The following AMD1 variants were observed in gnomAD, a reference collection of about 807,000 sequenced individuals.
AMD1 encodes the protein adenosylmethionine decarboxylase 1, also known as S-adenosylmethionine decarboxylase proenzyme.
In AMD1, 11 loss-of-function variants were observed where a neutral mutation model predicts 40.2. That is an observed-to-expected ratio of 0.27 (90% CI 0.17 to 0.45). AMD1 has a LOEUF of 0.45. AMD1 is among the 20% of genes least tolerant of loss of function. The pLI, the probability that AMD1 is intolerant of heterozygous loss-of-function variation, is 1.00. For missense variants in AMD1, 257 were observed against 410.2 expected (o/e 0.63, Z 3.23); for synonymous variants, 121 against 130.8 (o/e 0.93, Z 0.51).
chr6:110,814,893 C>T, the AMD1 span: 1 of 1,390,900 alleles, frequency 7.2e-7, no homozygotes, highest in Non-Finnish European at 9.9e-7. Flanking sequence ...AACCCCGCGA[C>T]CCCCTCCGCC....
chr6:110,821,883 G>T, the AMD1 span, among the ~76,000 whole-genome samples: 1 of 152,040 alleles, frequency 6.6e-6, no homozygotes, highest in East Asian at 1.9e-4. Flanking sequence ...GTCACAAATT[G>T]ACAACCTAAC....
the AMD1 span, among the ~76,000 whole-genome samples, chr6:110,838,789 G>C: frequency 6.6e-6 from 1 of 152,108 alleles, no homozygotes; most frequent in Non-Finnish European, 1.5e-5. Context: ...AACCTGGAGG[G>C]CTGAGGTTGC....
chr6:110,818,184 G>A, the AMD1 span, among the ~76,000 whole-genome samples: 1 of 152,134 alleles, frequency 6.6e-6, no homozygotes, highest in Non-Finnish European at 1.5e-5. Context: ...TATAAGTAGA[G>A]AGTTTATTTG....
At chr6:110,890,414 A>G in intron 4 of AMD1, 58 bp downstream of exon 4, 1 of 1,232,080 alleles carries the variant, frequency 8.1e-7, no homozygotes, top group Non-Finnish European at 1.2e-6. Flanking sequence ...GTGCAACCTC[A>G]GAGATCTTTC....
chr6:110,837,548 TAAA>T, the AMD1 span, among the ~76,000 whole-genome samples: 1 of 148,124 alleles, frequency 6.8e-6, no homozygotes, highest in Admixed American at 6.8e-5. Context: ...CTGTCTCTAT[TAAA>T]AGTACAAAAA....
Position 110,893,517 on chromosome 6 carries a change from T to C in AMD1, c.906T>C (p.Ile302=), listed in dbSNP as rs528695045. ...CRTVLASPQK[I]EGFKRLDCQS... Reference sequence around the variant, plus strand: ...CAGTGCTTGCTTCGCCCCAGAAGATTGAAGGTTTTAAGCGTCTTGATTGCC... The same window carrying C: ...CAGTGCTTGCTTCGCCCCAGAAGATCGAAGGTTTTAAGCGTCTTGATTGCC... Residue 302 remains isoleucine, a synonymous_variant, in exon 9 of 9, where the codon ATT becomes ATC. Transcript: ENST00000368885. 1 of 1,614,018 alleles carries C rather than the reference T, an allele frequency of 6.2e-7. No homozygotes were observed. Among genetic ancestry groups the C allele is most frequent in the East Asian group, 2.2e-5 (1 of 44,892 alleles).
chr6:110,880,526 AT>A (rs1338187715), intron 1 of AMD1, among the ~76,000 whole-genome samples: 4 of 152,086 alleles, frequency 2.6e-5, no homozygotes, highest in African/African-American at 4.8e-5. Context: ...TTTTGAGTTA[AT>A]TTTTGTTTAT....
the AMD1 span, among the ~76,000 whole-genome samples, chr6:110,820,734 C>A: frequency 6.6e-6 from 1 of 151,952 alleles, no homozygotes; most frequent in Non-Finnish European, 1.5e-5. Flanking sequence ...AAACCCCCAT[C>A]TTTACTAAAA....
rs1301866410 is a variant in AMD1, at chr6:110,893,468, T to TC, written c.865-3dup. 6.2e-7 allele frequency: 1 copy of TC among 1,612,760 alleles called. No individual in the cohort carries two copies. The highest frequency in any genetic ancestry group is 2.2e-5 in the East Asian group (1 of 44,884). On this transcript the variant is annotated splice_region_variant and splice_polypyrimidine_tract_variant and intron_variant, in intron 8 of 8. Transcript: ENST00000368885. ...AAACACTAACGGTTATTTAATTTTT[T>TC]CCCCCAGAGTTCTAAATGTCGCACA...
At chr6:110,881,026 C>T (rs1026828912) in intron 1 of AMD1, among the ~76,000 whole-genome samples, 10 of 152,158 alleles carry the variant, frequency 6.6e-5, no homozygotes, top group Non-Finnish European at 1.3e-4. Flanking sequence ...TATTAGACCT[C>T]AGCCTCTAAG....
At chr6:110,885,871 G>A (rs1484823854) in intron 1 of AMD1, among the ~76,000 whole-genome samples, 1 of 152,174 alleles carries the variant, frequency 6.6e-6, no homozygotes, top group Non-Finnish European at 1.5e-5. Context: ...AATTCTACCA[G>A]GCATGTTTGG....
the AMD1 span, among the ~76,000 whole-genome samples, chr6:110,822,597 T>A: frequency 9.9e-5 from 15 of 151,924 alleles, no homozygotes; most frequent in East Asian, 2.7e-3. Flanking sequence ...AAGGACATTT[T>A]AAAAAAAAGA....
At chr6:110,871,837 A>G (rs1310256022), upstream of AMD1, among the ~76,000 whole-genome samples, 1 of 152,222 alleles carries the variant, frequency 6.6e-6, no homozygotes, top group Non-Finnish European at 1.5e-5. Context: ...TTTGAAAGTC[A>G]TTAATACTAT....
the AMD1 span, among the ~76,000 whole-genome samples, chr6:110,831,173 T>C: frequency 4.5e-4 from 69 of 152,128 alleles, no homozygotes; most frequent in South Asian, 1.7e-3. Flanking sequence ...GGTGCAGTGG[T>C]TCACGCCTGT....
chr6:110,858,196 G>C, the AMD1 span: 1 of 684,542 alleles, frequency 1.5e-6, no homozygotes. Context: ...CTGCCAGGCC[G>C]TCTGTTTCGT....
the AMD1 span, chr6:110,858,474 T>C: frequency 1.6e-6 from 2 of 1,273,378 alleles, no homozygotes; most frequent in African/African-American, 1.5e-5. Flanking sequence ...AACCGTTCCA[T>C]GCAGAACTGG....
intron 1 of AMD1, among the ~76,000 whole-genome samples, chr6:110,879,635 A>G (rs1457652997): frequency 6.6e-6 from 1 of 152,144 alleles, no homozygotes; most frequent in Non-Finnish European, 1.5e-5. Flanking sequence ...CCTTTTACCT[A>G]AAGACTGCTT....
chr6:110,825,252 T>G, the AMD1 span, among the ~76,000 whole-genome samples: 1 of 152,256 alleles, frequency 6.6e-6, no homozygotes, highest in African/African-American at 2.4e-5. Flanking sequence ...AATGTGGTCC[T>G]CTTTCTCTTC....
At chr6:110,873,647 T>C (rs1287413654), upstream of AMD1, among the ~76,000 whole-genome samples, 1 of 152,230 alleles carries the variant, frequency 6.6e-6, no homozygotes, top group African/African-American at 2.4e-5. Flanking sequence ...TTTCCTCCCA[T>C]ATTCCCAAGT....
Sources: allele counts gnomAD v4.1 joint callset (sites outside exome capture counted in the v4.1 genomes callset), GRCh38; gene constraint gnomAD v4.1.1; transcripts MANE v1.5; gene names NCBI Gene and HGNC (gene_info 2026-07-23, HGNC 2026-07-21).